IL17REL: variants seen among roughly 807,000 people sequenced by gnomAD.
The protein encoded by IL17REL is interleukin-17 receptor E-like protein.
IL17REL carries 36 observed loss-of-function variants against 49.0 expected under a neutral mutation model. The ratio of observed to expected loss-of-function variants is 0.73; its 90% confidence interval spans 0.56 to 0.97. The LOEUF (loss-of-function observed/expected upper bound fraction) is 0.97. Ranked by LOEUF, IL17REL falls within the 50% of genes least tolerant of loss-of-function variation. The pLI is 0.00. For missense variants in IL17REL, 470 were observed against 453.9 expected (o/e 1.04, Z -0.32); for synonymous variants, 206 against 192.4 (o/e 1.07, Z -0.58).
At chr22:49,998,932 C>T (rs1039572873) in intron 7 of IL17REL, among the ~76,000 whole-genome samples, 1 of 151,864 alleles carries the variant, frequency 6.6e-6, no homozygotes, top group African/African-American at 2.4e-5. Flanking sequence ...GGTGTCTGTG[C>T]ATGTGTATGG....
chr22:49,996,341 T>G (rs2146736688), exon 13 of IL17REL: 1 of 152,542 alleles, frequency 6.6e-6, no homozygotes, highest in Middle Eastern at 3.4e-3. Flanking sequence ...CTCTGACCCT[T>G]CCTGGACTCC....
At chr22:49,998,141 C>T (rs770559193) in exon 8 of IL17REL, 11 of 1,604,732 alleles carry the variant, frequency 6.9e-6, no homozygotes, top group East Asian at 2.2e-5. Context: ...ACTCACTCTG[C>T]GATGCACCAG....
intron 1 of IL17REL, among the ~76,000 whole-genome samples, chr22:50,007,544 T>TTG (rs1555949675): frequency 3.0e-4 from 45 of 150,190 alleles, no homozygotes; most frequent in African/African-American, 5.6e-4. Flanking sequence ...TTAATTTTTT[T>TTG]GGGGGGGGGA....
At chr22:49,997,447 C>A (rs374873423) in intron 10 of IL17REL, 12 of 1,601,194 alleles carry the variant, frequency 7.5e-6, no homozygotes, top group Non-Finnish European at 1.0e-5. Flanking sequence ...CCGGAGGTGG[C>A]CCTTTGTGGG....
chr22:50,003,325 C>G (rs75495357), intron 1 of IL17REL, among the ~76,000 whole-genome samples: 4 of 151,944 alleles, frequency 2.6e-5, no homozygotes, highest in African/African-American at 9.7e-5. Context: ...AGTTTGAGAC[C>G]AGCCTGGCCA....
intron 1 of IL17REL, among the ~76,000 whole-genome samples, chr22:50,002,057 G>A (rs2061082932): frequency 6.6e-6 from 1 of 152,246 alleles, no homozygotes; most frequent in Non-Finnish European, 1.5e-5. Context: ...AACAGCAGGT[G>A]CAGCCAGTTC....
upstream of IL17REL, among the ~76,000 whole-genome samples, chr22:50,011,671 G>A (rs1243956425): frequency 8.6e-5 from 13 of 151,820 alleles, no homozygotes; most frequent in Non-Finnish European, 1.9e-4. Context: ...TGCTGCCACC[G>A]GTTCCCACGC....
At chr22:50,000,904 GC>G in intron 2 of IL17REL, 41 bp from the exon 4 acceptor site, 2 of 1,441,494 alleles carry the variant, frequency 1.4e-6, no homozygotes, top group Non-Finnish European at 1.9e-6. Context: ...TCAGAGCAGG[GC>G]CGCCCCTGGC....
At position 50,001,238 on chromosome 22, in the gene IL17REL, A is replaced by G; in HGVS notation, c.-41-7T>C. 8.0e-7 allele frequency: 1 copy of G among 1,255,524 alleles called. No individual in the cohort carries two copies. Among genetic ancestry groups the G allele is most frequent in the Non-Finnish European group, 1.1e-6 (1 of 879,496 alleles). The allele number at this position is 1,255,524 out of a possible 1,614,324, so 77.8% of individuals were successfully genotyped here. A position where few individuals can be genotyped will look rare whatever the true frequency, so the allele number is the denominator to read the frequency against. On this transcript the variant is annotated splice_region_variant and splice_polypyrimidine_tract_variant and intron_variant, in intron 1 of 12. Coordinates refer to ENST00000341280, the Ensembl canonical transcript of IL17REL. Reference sequence around the variant, plus strand: ...AAGCTGTTAAAAATGTTCCCTGGGGAGGGAGAAGGAGCGTGAGGCCTCGAG... The same window carrying G: ...AAGCTGTTAAAAATGTTCCCTGGGGGGGGAGAAGGAGCGTGAGGCCTCGAG...
At chr22:50,011,389 C>A (rs1290517296), upstream of IL17REL, among the ~76,000 whole-genome samples, 1 of 152,024 alleles carries the variant, frequency 6.6e-6, no homozygotes, top group African/African-American at 2.4e-5. Context: ...GTGGACAGCG[C>A]GGTCACACCT....
chr22:49,999,557 G>T (rs1303091341), intron 5 of IL17REL, 55 bp from the exon 8 acceptor site: 35 of 1,416,028 alleles, frequency 2.5e-5, no homozygotes, highest in Non-Finnish European at 3.2e-5. Flanking sequence ...GGGTGGTCTG[G>T]GGTGGGCGGG....
chr22:49,998,587 GTA>G (rs1491337559), intron 7 of IL17REL, among the ~76,000 whole-genome samples: 1 of 150,912 alleles, frequency 6.6e-6, no homozygotes. Flanking sequence ...ATGGGTGTGT[GTA>G]TGTGTACGTG....
chr22:49,999,809 C>T lies in IL17REL; in HGVS notation c.474+19G>A. 1 of 1,488,120 alleles carries T rather than the reference C, an allele frequency of 6.7e-7. No individual in the cohort carries two copies. Among genetic ancestry groups the T allele is most frequent in the Middle Eastern group, 2.4e-4 (1 of 4,160 alleles). 92.2% of individuals were successfully genotyped at this position (1,488,120 alleles called of 1,614,324 possible). A position where few individuals can be genotyped will look rare whatever the true frequency, so the allele number is the denominator to read the frequency against. ...GGCGGGGCCTAAGGCTGACCGGGGCCCGGGGCGCGGGCGCTCACTCGCACA... is the reference window on the plus strand; with the variant it reads ...GGCGGGGCCTAAGGCTGACCGGGGCTCGGGGCGCGGGCGCTCACTCGCACA... On this transcript the variant is annotated intron_variant, in intron 5 of 12. Coordinates refer to ENST00000341280, the Ensembl canonical transcript of IL17REL.
intron 1 of IL17REL, among the ~76,000 whole-genome samples, chr22:50,003,752 A>G (rs1165580629): frequency 6.6e-6 from 1 of 152,180 alleles, no homozygotes; most frequent in African/African-American, 2.4e-5. Context: ...TGAAAAATCT[A>G]TATGTAACAT....
intron 9 of IL17REL, 100 bp from the exon 12 acceptor site, chr22:49,997,842 C>G (rs556894669): frequency 4.9e-6 from 7 of 1,418,310 alleles, no homozygotes; most frequent in African/African-American, 4.2e-5. Context: ...CTTCAGGGTG[C>G]TCTGGGCCCA....
At chr22:49,997,851 C>T in intron 9 of IL17REL, 109 bp from the exon 12 acceptor site, 2 of 1,385,722 alleles carry the variant, frequency 1.4e-6, no homozygotes, top group Non-Finnish European at 2.0e-6. Context: ...GCTCTGGGCC[C>T]AGTTCTCCTC....
chr22:49,992,155 G>GAATTTTTCCACAAATTTGTGGACACA (rs2061009794), downstream of IL17REL, among the ~76,000 whole-genome samples: 1 of 152,276 alleles, frequency 6.6e-6, no homozygotes, highest in African/African-American at 2.4e-5. Context: ...TGTCCACAAA[G>GAATTTTTCCACAAATTTGTGGACACA]AATTTTTCCA....
upstream of IL17REL, among the ~76,000 whole-genome samples, chr22:50,012,235 G>C (rs528407707): frequency 5.5e-4 from 84 of 152,342 alleles, no homozygotes; most frequent in Middle Eastern, 3.4e-3. Flanking sequence ...GCAGCCGAGC[G>C]GGGTGGGGTG....
chr22:49,999,883 T>C (rs756377626), exon 5 of IL17REL: 1 of 1,543,856 alleles, frequency 6.5e-7, no homozygotes, highest in Non-Finnish European at 8.7e-7. Flanking sequence ...GAGCCGCAGG[T>C]AGTAGTCGGG....
Sources: allele counts gnomAD v4.1 joint callset (sites outside exome capture counted in the v4.1 genomes callset), GRCh38; gene constraint gnomAD v4.1.1; transcripts MANE v1.5; gene names NCBI Gene and HGNC (gene_info 2026-07-23, HGNC 2026-07-21).